The following PMFBP1 variants were observed in gnomAD, a reference collection of about 807,000 sequenced individuals.
The protein encoded by PMFBP1 is polyamine-modulated factor 1-binding protein 1.
A neutral mutation model predicts 137.8 loss-of-function variants in PMFBP1; 131 were observed. The ratio of observed to expected loss-of-function variants is 0.95; its 90% CI spans 0.82 to 1.10. The LOEUF is 1.10. PMFBP1 is among the 50% of genes least tolerant of loss of function. PMFBP1 has a pLI of 0.00. For synonymous variants in PMFBP1, 490 were observed against 450.4 expected, an observed-to-expected ratio of 1.09 and a Z score of -1.11; for missense variants, 1,199 against 1,175.4, an observed-to-expected ratio of 1.02 and a Z score of -0.29.
At chr16:72,158,648 C>T (rs2043016924) in intron 3 of PMFBP1, among the ~76,000 whole-genome samples, 1 of 152,100 alleles carries the variant, frequency 6.6e-6, no homozygotes, top group African/African-American at 2.4e-5. Flanking sequence ...AAGGAGTGAA[C>T]ATCCTGTGGT....
upstream of PMFBP1, among the ~76,000 whole-genome samples, chr16:72,177,368 C>A (rs959873442): frequency 6.6e-6 from 1 of 152,178 alleles, no homozygotes; most frequent in African/African-American, 2.4e-5. Context: ...AGCAGCCTTG[C>A]CAGGTGTGTA....
intron 3 of PMFBP1, among the ~76,000 whole-genome samples, chr16:72,161,576 T>C (rs964010925): frequency 5.3e-4 from 80 of 152,120 alleles, no homozygotes; most frequent in Admixed American, 5.2e-3. Context: ...AAAAGTATTT[T>C]AGAATAATTT....
At chr16:72,156,507 C>G (rs903371315) in intron 3 of PMFBP1, among the ~76,000 whole-genome samples, 7 of 151,874 alleles carry the variant, frequency 4.6e-5, no homozygotes, top group Non-Finnish European at 5.9e-5. Context: ...GTAGTCCCAG[C>G]TACTCAGGAG....
At chr16:72,149,421 A>G (rs2042865726) in intron 5 of PMFBP1, among the ~76,000 whole-genome samples, 1 of 152,244 alleles carries the variant, frequency 6.6e-6, no homozygotes, top group South Asian at 2.1e-4. Flanking sequence ...TCCAAAAGAA[A>G]TAAGGAAGTT....
the PMFBP1 span, among the ~76,000 whole-genome samples, chr16:72,194,694 G>A: frequency 6.6e-6 from 1 of 152,178 alleles, no homozygotes; most frequent in Non-Finnish European, 1.5e-5. Flanking sequence ...TGAGGTCACT[G>A]TTCATGCTTT....
the PMFBP1 span, among the ~76,000 whole-genome samples, chr16:72,204,862 T>C: frequency 2.6e-5 from 4 of 152,320 alleles, no homozygotes; most frequent in African/African-American, 2.4e-5. Flanking sequence ...CGGGTGACTA[T>C]TGAGCATTTG....
Position 72,119,359 on chromosome 16 carries a change from G to A in PMFBP1, c.3008-5C>T, listed in dbSNP as rs764648660. 1.4e-5 allele frequency: 23 copies of A among 1,614,076 alleles called. No homozygotes were observed. The highest frequency in any genetic ancestry group is 2.5e-6 in the Non-Finnish European group (3 of 1,180,014). ...GATTCTAGCAGTATGAGGAACCTGAGGGAACAGGGAGGAAATGAGAGTTTT... is the reference window on the plus strand; with the variant it reads ...GATTCTAGCAGTATGAGGAACCTGAAGGAACAGGGAGGAAATGAGAGTTTT... On this transcript the variant is annotated splice_polypyrimidine_tract_variant and splice_region_variant and intron_variant, in intron 20 of 20. Coordinates refer to ENST00000237353, the MANE Select transcript of PMFBP1 (RefSeq NM_031293.3).
chr16:72,146,134 T>C (rs954715079), intron 5 of PMFBP1, among the ~76,000 whole-genome samples: 9 of 152,190 alleles, frequency 5.9e-5, no homozygotes, highest in African/African-American at 9.7e-5. Context: ...AATAAAATAC[T>C]GGCAAACCGA....
chr16:72,190,291 C>T, the PMFBP1 span, among the ~76,000 whole-genome samples: 66 of 152,246 alleles, frequency 4.3e-4, 2 homozygotes, highest in Admixed American at 1.2e-3. Flanking sequence ...AAACCATGAA[C>T]GAAATTCCTC....
chr16:72,230,717 A>G, the PMFBP1 span, among the ~76,000 whole-genome samples: 1 of 152,174 alleles, frequency 6.6e-6, no homozygotes, highest in East Asian at 1.9e-4. Context: ...TGATGTTCTA[A>G]CACCTAGATA....
At chr16:72,210,688 C>T in the PMFBP1 span, among the ~76,000 whole-genome samples, 2 of 152,186 alleles carry the variant, frequency 1.3e-5, no homozygotes, top group African/African-American at 4.8e-5. Flanking sequence ...TTTCAGCTTT[C>T]TCTGATGTAA....
chr16:72,133,210 A>G (rs112761253), intron 9 of PMFBP1, among the ~76,000 whole-genome samples: 21 of 152,146 alleles, frequency 1.4e-4, no homozygotes, highest in Admixed American at 3.3e-4. Flanking sequence ...TTTGAGACAG[A>G]GTCTCTCTCT....
rs1362529488 is a variant in PMFBP1 at position 72,120,076 on chromosome 16, C to T, written c.2782G>A (p.Val928Ile). ...LSGEKDHLHS[V>I]MVHLQQENKK... ...TTTTCCTGCTGCAAGTGGACCATTA[C>T]ACTGTGGAGGTGGCTGTGGGAAGGA... is the stretch of plus-strand genomic sequence containing the variant. The change falls in exon 20 of 21, where the codon GTA (valine) becomes ATA (isoleucine). Residue 928 changes from valine (V) to isoleucine (I), a missense_variant. By Grantham distance (29) the Val-to-Ile change is conservative. Coordinates refer to ENST00000237353, the MANE Select transcript of PMFBP1 (RefSeq NM_031293.3). 2 of 1,614,054 alleles carry T rather than the reference C, an allele frequency of 1.2e-6. No individual in the cohort carries two copies. Among genetic ancestry groups the T allele is most frequent in the African/African-American group, 1.3e-5 (1 of 74,910 alleles).
chr16:72,117,034 C>CAA (rs35283042), downstream of PMFBP1, among the ~76,000 whole-genome samples: 7,056 of 116,776 alleles, frequency 0.06, 405 homozygotes, highest in African/African-American at 0.16. Flanking sequence ...CCTATTTCTG[C>CAA]AAAAAAAAAA....
the PMFBP1 span, among the ~76,000 whole-genome samples, chr16:72,205,422 T>C: frequency 1.3e-5 from 2 of 152,218 alleles, no homozygotes; most frequent in Admixed American, 1.3e-4. Flanking sequence ...TCCCGCTCTG[T>C]GGCATCTCCT....
chr16:72,201,003 C>T, the PMFBP1 span, among the ~76,000 whole-genome samples: 3 of 152,202 alleles, frequency 2.0e-5, no homozygotes, highest in Non-Finnish European at 4.4e-5. Context: ...TCTGCCTGGA[C>T]AACTGTCCAC....
At chr16:72,129,464 T>TTA (rs1292755176) in intron 12 of PMFBP1, among the ~76,000 whole-genome samples, 12 of 152,214 alleles carry the variant, frequency 7.9e-5, no homozygotes, top group Admixed American at 3.3e-4. Flanking sequence ...AGCACCAGCT[T>TTA]TCTCTCCCAC....
chr16:72,173,031 G>A (rs944332644), upstream of PMFBP1, among the ~76,000 whole-genome samples: 2 of 152,186 alleles, frequency 1.3e-5, no homozygotes, highest in Non-Finnish European at 2.9e-5. Context: ...TAAAAATAGC[G>A]TGGCATAAAA....
the PMFBP1 span, among the ~76,000 whole-genome samples, chr16:72,199,119 C>T: frequency 6.6e-6 from 1 of 152,178 alleles, no homozygotes; most frequent in Non-Finnish European, 1.5e-5. Context: ...GGGCTTAGCC[C>T]TTTGTTTCCA....
Sources: gnomAD v4.1 joint callset for allele counts (sites outside exome capture counted in the v4.1 genomes callset) on GRCh38, gnomAD v4.1.1 for gene constraint, MANE v1.5 for transcripts, NCBI Gene and HGNC (gene_info 2026-07-23, HGNC 2026-07-21) for gene names.